KAT7: variants seen among roughly 807,000 people sequenced by gnomAD.
KAT7 encodes the protein lysine acetyltransferase 7.
In KAT7, 10 loss-of-function variants were observed where a neutral mutation model predicts 82.1. That is an observed-to-expected ratio of 0.12 (90% CI 0.08 to 0.21). KAT7 has a LOEUF of 0.21. Ranked by LOEUF, KAT7 falls within the 10% of genes least tolerant of loss-of-function variation. The probability of loss-of-function intolerance (pLI) is 1.00; values close to 1 mark genes in which losing one functional copy is unlikely to be tolerated. For missense variants in KAT7, 378 were observed against 760.9 expected, an observed-to-expected ratio of 0.50 and a Z score of 5.92; for synonymous variants, 250 against 262.5, an observed-to-expected ratio of 0.95 and a Z score of 0.46.
chr17:49,816,058 GGA>G, intron 8 of KAT7, 145 bp downstream of exon 8: 1 of 593,886 alleles, frequency 1.7e-6, no homozygotes, highest in Non-Finnish European at 3.0e-6. Flanking sequence ...GTCCCTTTTT[GGA>G]GACTAGCCTT....
In KAT7 at chr17:49,832,989, T is replaced by G. The variant is rs541718626; in HGVS notation, c.*5487T>G. On this transcript the variant is annotated 3_prime_UTR_variant, in exon 15 of 15. Coordinates refer to ENST00000259021, the MANE Select transcript of KAT7 (RefSeq NM_007067.5). ...TGCTGATAGGGGCAGTTTAATAGCC[T>G]TCTTCCTGTGTGGTATCTGCAACAA... The G allele has an allele frequency of 1.3e-5, 2 of 152,312 alleles. No homozygotes were observed. Among genetic ancestry groups the G allele is most frequent in the African/African-American group, 4.8e-5 (2 of 41,568 alleles). The allele number at this position is 152,312 out of a possible 1,614,324, so 9.4% of individuals were successfully genotyped here.
intron 7 of KAT7, 103 bp from the exon 8 acceptor site, chr17:49,815,700 A>G (rs1048032386): frequency 4.1e-6 from 3 of 737,822 alleles, no homozygotes; most frequent in Non-Finnish European, 7.2e-6. Context: ...GCACTAAATA[A>G]ATAGCTTATG....
intron 8 of KAT7, among the ~76,000 whole-genome samples, chr17:49,817,265 C>G (rs1448420817): frequency 6.6e-6 from 1 of 152,108 alleles, no homozygotes; most frequent in African/African-American, 2.4e-5. Context: ...AGGTATCATT[C>G]TGGTGAGGCC....
chr17:49,807,053 A>G (rs1401491019), intron 5 of KAT7, among the ~76,000 whole-genome samples: 1 of 152,192 alleles, frequency 6.6e-6, no homozygotes, highest in Non-Finnish European at 1.5e-5. Flanking sequence ...CACCCTTGCG[A>G]TCAGTGATGT....
At chr17:49,788,930 G>A in intron 1 of KAT7, 81 bp downstream of exon 1, 1 of 1,331,214 alleles carries the variant, frequency 7.5e-7, no homozygotes, top group East Asian at 2.8e-5. Flanking sequence ...ACGCCTCACA[G>A]TGCTTGGGTC....
intron 9 of KAT7, among the ~76,000 whole-genome samples, chr17:49,818,620 AT>A (rs1410129123): frequency 5.9e-5 from 9 of 152,044 alleles, no homozygotes; most frequent in Non-Finnish European, 1.2e-4. Flanking sequence ...AAAAAAAGCC[AT>A]TTTTCCCCCG....
chr17:49,796,397 G>A (rs2093994647), intron 2 of KAT7, among the ~76,000 whole-genome samples: 2 of 152,212 alleles, frequency 1.3e-5, no homozygotes, highest in African/African-American at 2.4e-5. Context: ...CCTCACCACA[G>A]TGTTATGAGG....
At chr17:49,797,026 C>A in intron 3 of KAT7, 100 bp downstream of exon 3, 4 of 864,618 alleles carry the variant, frequency 4.6e-6, no homozygotes, top group Non-Finnish European at 7.3e-6. Context: ...CCTAATACTT[C>A]AGCTAGATGA....
chr17:49,811,416 T>C, intron 6 of KAT7, 60 bp from the exon 7 acceptor site: 1 of 919,406 alleles, frequency 1.1e-6, no homozygotes, highest in South Asian at 1.8e-5. Flanking sequence ...CTTGGCACTT[T>C]CATTTTGAAG....
chr17:49,798,062 G>T (rs1445316295), intron 3 of KAT7, among the ~76,000 whole-genome samples: 1 of 152,184 alleles, frequency 6.6e-6, no homozygotes. Flanking sequence ...GATTATCCAT[G>T]ATTAGCAACT....
chr17:49,820,610 A>G (rs1265593702), intron 9 of KAT7, among the ~76,000 whole-genome samples: 2 of 152,162 alleles, frequency 1.3e-5, no homozygotes, highest in African/African-American at 4.8e-5. Context: ...CCTTTTGAAG[A>G]ATTCACCTAA....
intron 5 of KAT7, among the ~76,000 whole-genome samples, chr17:49,805,714 T>C (rs1355827117): frequency 6.6e-6 from 1 of 152,248 alleles, no homozygotes; most frequent in Non-Finnish European, 1.5e-5. Context: ...TGCATTGATA[T>C]TTTCTGTTGA....
intron 4 of KAT7, among the ~76,000 whole-genome samples, 154 bp from the exon 5 acceptor site, chr17:49,805,209 A>G (rs1598064885): frequency 1.3e-5 from 2 of 152,236 alleles, no homozygotes; most frequent in Admixed American, 1.3e-4. Context: ...AGTGTAAGTT[A>G]TAGCCCTACC....
intron 7 of KAT7, among the ~76,000 whole-genome samples, chr17:49,813,000 CTTTTTTTTTTTTT>C (rs34339283): frequency 1.9e-5 from 2 of 102,796 alleles, no homozygotes; most frequent in African/African-American, 7.5e-5. Flanking sequence ...TGCACCCAGC[CTTTTTTTTTTTTT>C]TTTTTTTTTT....
At chr17:49,804,234 C>T (rs960002853) in intron 4 of KAT7, among the ~76,000 whole-genome samples, 7 of 152,048 alleles carry the variant, frequency 4.6e-5, no homozygotes, top group Non-Finnish European at 5.9e-5. Context: ...AAAAAATTAG[C>T]CGGGCGTGGC....
chr17:49,826,839 C>T (rs1461403810), intron 14 of KAT7, 40 bp downstream of exon 14: 3 of 1,356,790 alleles, frequency 2.2e-6, no homozygotes, highest in African/African-American at 2.9e-5. Flanking sequence ...GCTGGATGTC[C>T]TTCAAGACTT....
At position 49,834,637 on chromosome 17, in the gene KAT7, TC is replaced by T. The variant is rs2074449120; in HGVS notation, c.*7136del. 1 of 152,250 alleles carries T rather than the reference TC, an allele frequency of 6.6e-6. No individual in the cohort carries two copies. Among genetic ancestry groups the T allele is most frequent in the African/African-American group, 2.4e-5 (1 of 41,456 alleles). 9.4% of individuals were successfully genotyped at this position (152,250 alleles called of 1,614,324 possible). ...AACAGGATTAGTCTATTATTCCCTTTCTTGTGTTTACTGAGAAAGCCTCCAC... is the reference window on the plus strand; with the variant it reads ...AACAGGATTAGTCTATTATTCCCTTTTTGTGTTTACTGAGAAAGCCTCCAC... On this transcript the variant is annotated 3_prime_UTR_variant, in exon 15 of 15. Coordinates refer to ENST00000259021, the MANE Select transcript of KAT7 (RefSeq NM_007067.5).
intron 5 of KAT7, among the ~76,000 whole-genome samples, chr17:49,807,271 G>A (rs1372448743): frequency 6.6e-6 from 1 of 152,178 alleles, no homozygotes; most frequent in African/African-American, 2.4e-5. Flanking sequence ...AGTCTGTTTC[G>A]GGGGTGAGGG....
At chr17:49,799,266 A>G (rs749096531) in intron 4 of KAT7, among the ~76,000 whole-genome samples, 105 of 152,306 alleles carry the variant, frequency 6.9e-4, no homozygotes, top group Admixed American at 3.2e-3. Flanking sequence ...GCCTTTCACT[A>G]CTGGGTCTAC....
Sources: allele counts gnomAD v4.1 joint callset (sites outside exome capture counted in the v4.1 genomes callset), GRCh38; gene constraint gnomAD v4.1.1; transcripts MANE v1.5; gene names NCBI Gene and HGNC (gene_info 2026-07-23, HGNC 2026-07-21).